The following ATRNL1 variants were observed in gnomAD, a reference collection of about 807,000 sequenced individuals.
ATRNL1 encodes attractin-like protein 1.
A neutral mutation model predicts 182.7 loss-of-function variants in ATRNL1; 95 were observed. The observed-to-expected ratio is 0.52, with a 90% CI of 0.44 to 0.62. The LOEUF (loss-of-function observed/expected upper bound fraction) is 0.62, where lower values mean the gene tolerates loss of function less well. ATRNL1 is among the 20% of genes least tolerant of loss of function. The pLI is 0.00. For synonymous variants in ATRNL1, 576 were observed against 568.3 expected, an observed-to-expected ratio of 1.01 and a Z score of -0.19; for missense variants, 1,471 against 1,679.5, an observed-to-expected ratio of 0.88 and a Z score of 2.17.
At chr10:115,592,922 A>G (rs199760965) in intron 26 of ATRNL1, among the ~76,000 whole-genome samples, 1 of 130,636 alleles carries the variant, frequency 7.7e-6, no homozygotes, top group Non-Finnish European at 1.7e-5. Context: ...TTCTTATCTA[A>G]CTATCTGTCT....
chr10:115,266,292 A>C (rs1554910662), intron 11 of ATRNL1, among the ~76,000 whole-genome samples: 1 of 151,716 alleles, frequency 6.6e-6, no homozygotes, highest in Non-Finnish European at 1.5e-5. Flanking sequence ...CTTATTTTAA[A>C]AGAATGAAAC....
intron 28 of ATRNL1, among the ~76,000 whole-genome samples, chr10:115,878,899 C>G (rs1350502824): frequency 6.6e-6 from 1 of 151,880 alleles, no homozygotes; most frequent in Admixed American, 6.6e-5. Flanking sequence ...TTGAGAGATT[C>G]CAGTGGTAGG....
At chr10:115,307,791 A>T (rs981616450) in intron 17 of ATRNL1, among the ~76,000 whole-genome samples, 10 of 152,162 alleles carry the variant, frequency 6.6e-5, no homozygotes, top group Non-Finnish European at 1.3e-4. Flanking sequence ...CTAGGAGTAA[A>T]ATGACATTCT....
chr10:115,491,612 A>C (rs538657406), intron 24 of ATRNL1, among the ~76,000 whole-genome samples: 9 of 152,214 alleles, frequency 5.9e-5, no homozygotes, highest in African/African-American at 2.2e-4. Flanking sequence ...AAGCTGGAGC[A>C]TCCCAGTTCA....
intron 27 of ATRNL1, among the ~76,000 whole-genome samples, chr10:115,799,650 C>T (rs1270243812): frequency 6.6e-6 from 1 of 152,152 alleles, no homozygotes; most frequent in Non-Finnish European, 1.5e-5. Flanking sequence ...GAACTTCAGC[C>T]CAGGGTAGGT....
intron 26 of ATRNL1, among the ~76,000 whole-genome samples, chr10:115,658,334 A>G (rs1383277346): frequency 6.6e-6 from 1 of 151,800 alleles, no homozygotes; most frequent in African/African-American, 2.4e-5. Flanking sequence ...CTCATTTGTA[A>G]TAATACAAAA....
At chr10:115,860,276 G>A (rs978990897) in intron 28 of ATRNL1, among the ~76,000 whole-genome samples, 10 of 152,146 alleles carry the variant, frequency 6.6e-5, no homozygotes, top group Non-Finnish European at 1.5e-4. Flanking sequence ...TCTGGATGCA[G>A]TGACCATACA....
chr10:115,601,845 T>C (rs1448751546), intron 26 of ATRNL1, among the ~76,000 whole-genome samples: 1 of 152,220 alleles, frequency 6.6e-6, no homozygotes, highest in Non-Finnish European at 1.5e-5. Flanking sequence ...TTGCAGTGTT[T>C]AGACTACATA....
intron 10 of ATRNL1, among the ~76,000 whole-genome samples, chr10:115,244,732 T>C (rs17092908): frequency 0.31 from 47,460 of 152,110 alleles, 7,738 homozygotes; most frequent in African/African-American, 0.39. Flanking sequence ...AGAAAGCCAC[T>C]ATGGCACCTT....
At chr10:115,903,261 T>C (rs538676399) in intron 28 of ATRNL1, among the ~76,000 whole-genome samples, 19 of 152,330 alleles carry the variant, frequency 1.2e-4, no homozygotes, top group African/African-American at 4.6e-4. Context: ...TTTTACCCTT[T>C]GAAAATGTAC....
chr10:115,397,158 C>A (rs1233232256), intron 20 of ATRNL1, among the ~76,000 whole-genome samples: 2 of 151,778 alleles, frequency 1.3e-5, no homozygotes, highest in Non-Finnish European at 2.9e-5. Context: ...GGAAGGAGAG[C>A]TACTCCTTCA....
chr10:115,741,532 G>A (rs1432082648), intron 27 of ATRNL1, among the ~76,000 whole-genome samples: 11 of 152,266 alleles, frequency 7.2e-5, no homozygotes, highest in East Asian at 1.9e-4. Context: ...ACAAGATGCC[G>A]AGGATCACAC....
At chr10:115,206,884 T>C (rs1848819180) in intron 8 of ATRNL1, among the ~76,000 whole-genome samples, 1 of 152,136 alleles carries the variant, frequency 6.6e-6, no homozygotes, top group South Asian at 2.1e-4. Flanking sequence ...TTCCCCACCC[T>C]GTGTCCATGT....
intron 26 of ATRNL1, among the ~76,000 whole-genome samples, chr10:115,573,442 G>T (rs1021170266): frequency 6.6e-6 from 1 of 151,760 alleles, no homozygotes; most frequent in Non-Finnish European, 1.5e-5. Context: ...TTACATGGGG[G>T]CAGGATGGGG....
chr10:115,763,093 A>T (rs1948772208), intron 27 of ATRNL1, among the ~76,000 whole-genome samples: 1 of 152,166 alleles, frequency 6.6e-6, no homozygotes, highest in African/African-American at 2.4e-5. Context: ...TCAGATTCTT[A>T]TCAGTGAGTT....
chr10:115,573,205 C>T (rs781959743), intron 26 of ATRNL1, among the ~76,000 whole-genome samples: 3 of 152,064 alleles, frequency 2.0e-5, no homozygotes, highest in Non-Finnish European at 2.9e-5. Context: ...CTCAGTGATA[C>T]GGATGGGGAG....
At chr10:115,575,593 T>G (rs1472515271) in intron 26 of ATRNL1, among the ~76,000 whole-genome samples, 1 of 152,284 alleles carries the variant, frequency 6.6e-6, no homozygotes, top group Middle Eastern at 3.4e-3. Context: ...TTCTGCATGC[T>G]AATGTCACCT....
intron 28 of ATRNL1, among the ~76,000 whole-genome samples, chr10:115,866,595 G>A (rs1330612378): frequency 6.6e-6 from 1 of 152,146 alleles, no homozygotes; most frequent in African/African-American, 2.4e-5. Context: ...CCTAGTTTTT[G>A]TGTCTACTCT....
chr10:115,258,652 C>G lies in ATRNL1; in HGVS notation c.1688-6541C>G, dbSNP rs139009136. Among the ~76,000 whole-genome samples the G allele has an allele frequency of 3.8e-3, 580 of 152,228 alleles. 18 individuals carry two copies. The East Asian group carries it at 0.085, about 22-fold the overall frequency. On this transcript the variant is annotated intron_variant, in intron 10 of 28. Coordinates refer to ENST00000355044, the MANE Select transcript of ATRNL1 (RefSeq NM_207303.4). ...AAGTCATTCTCCATCCAGCTTTGTT[C>G]CATTGCTGGTGAGGAGCTGTGATCC...
Sources: gnomAD v4.1 joint callset for allele counts (sites outside exome capture counted in the v4.1 genomes callset) on GRCh38, gnomAD v4.1.1 for gene constraint, MANE v1.5 for transcripts, NCBI Gene and HGNC (gene_info 2026-07-23, HGNC 2026-07-21) for gene names.